AGRN: variants seen among roughly 807,000 people sequenced by gnomAD.
The protein encoded by AGRN is agrin proteoglycan.
In AGRN, 106 loss-of-function variants were observed where a neutral mutation model predicts 211.0. The ratio of observed to expected loss-of-function variants is 0.50; its 90% CI spans 0.43 to 0.59. The LOEUF (loss-of-function observed/expected upper bound fraction) is 0.59. Among genes scored for constraint, AGRN ranks in the 20% least tolerant of loss-of-function variants. The pLI is 0.00. For missense variants in AGRN, 3,040 were observed against 2,982.6 expected (o/e 1.02, Z -0.45); for synonymous variants, 1,525 against 1,332.5 (o/e 1.14, Z -3.15).
intron 2 of AGRN, among the ~76,000 whole-genome samples, chr1:1,027,151 C>A (rs529124900): frequency 1.8e-4 from 27 of 152,376 alleles, no homozygotes; most frequent in African/African-American, 6.3e-4. Context: ...GCAGTCCCCC[C>A]ACGGAGCAGA....
At chr1:1,039,456 G>A (rs1030819240) in intron 3 of AGRN, among the ~76,000 whole-genome samples, 6 of 152,010 alleles carry the variant, frequency 3.9e-5, no homozygotes, top group Non-Finnish European at 5.9e-5. Flanking sequence ...GCTGGGAAGT[G>A]ATGGGTGGTA....
chr1:1,041,659 TCTC>T lies in AGRN; in HGVS notation c.1140_1142del (p.Leu381del). On this transcript the variant is annotated inframe_deletion, in exon 6 of 36. Transcript: ENST00000379370. ...TGGGCCGATCGGGGGCCGCCCGGGG[TCTC>T]CTCCTGCAGAAAGTGCGCTCCGGCC... 1.2e-6 allele frequency: 2 copies of T among 1,608,964 alleles called. No individual in the cohort carries two copies. Among genetic ancestry groups the T allele is most frequent in the South Asian group, 1.1e-5 (1 of 90,916 alleles).
Position 1,041,652 on chromosome 1 carries a change from C to T in AGRN, c.1127C>T (p.Ala376Val), listed in dbSNP as rs1193916995. ...NDCVMGRSGA[A>V]RGLLLQKVRS... ...TGTGTCATGGGCCGATCGGGGGCCG[C>T]CCGGGGTCTCCTCCTGCAGAAAGTG... The change falls in exon 6 of 36, where the codon GCC becomes GTC. Residue 376 changes from alanine (A) to valine (V), a missense_variant. Physicochemically the swap from Ala to Val is moderately conservative, Grantham distance 64. Around this residue, in one of 3 missense-constraint regions of AGRN, gnomAD observed 1,498 missense variants for 1,457.8 expected, o/e 1.03. Coordinates refer to ENST00000379370, the MANE Select transcript of AGRN (RefSeq NM_198576.4). 1.9e-6 allele frequency: 3 copies of T among 1,611,156 alleles called. No homozygotes were observed. The highest frequency in any genetic ancestry group is 2.5e-6 in the Non-Finnish European group (3 of 1,179,124).
intron 20 of AGRN, 54 bp downstream of exon 20, chr1:1,047,508 C>CTTT: frequency 3.1e-6 from 5 of 1,612,862 alleles, no homozygotes; most frequent in Non-Finnish European, 4.2e-6. Context: ...CCCAGATACC[C>CTTT]AGAGCAGCAC....
At chr1:1,043,776 C>G in intron 9 of AGRN, 44 bp downstream of exon 9, 1 of 1,605,578 alleles carries the variant, frequency 6.2e-7, no homozygotes, top group Non-Finnish European at 8.5e-7. Context: ...TCCTGTGCCT[C>G]CCTCAGCCTG....
chr1:1,020,215 C>T lies in AGRN; in HGVS notation c.43C>T (p.Pro15Ser). The T allele has an allele frequency of 7.2e-7, 1 of 1,394,396 alleles. No homozygotes were observed. The highest frequency in any genetic ancestry group is 3.1e-5 in the Admixed American group (1 of 32,222). The allele number at this position is 1,394,396 out of a possible 1,614,324, so 86.4% of individuals were successfully genotyped here. Residue 15 changes from proline to serine, a missense_variant, in exon 1 of 36, where the codon CCG (proline) becomes TCG (serine). Transcript: ENST00000379370. Reference protein sequence around the residue: ...SHPGPLRPLLPLLVVAACVLP... With the variant: ...SHPGPLRPLLSLLVVAACVLP... ...CCCGGGCCCGCTGCGGCCGCTGCTG[C>T]CGCTCCTTGTGGTGGCCGCGTGCGT...
At chr1:1,022,543 CG>C in intron 2 of AGRN, 81 bp downstream of exon 2, 2 of 1,412,278 alleles carry the variant, frequency 1.4e-6, no homozygotes, top group Non-Finnish European at 1.9e-6. Flanking sequence ...GGTCGCTGTG[CG>C]GGGTCCTTTC....
chr1:1,024,217 C>A (rs1644470913), intron 2 of AGRN, among the ~76,000 whole-genome samples: 1 of 152,024 alleles, frequency 6.6e-6, no homozygotes, highest in Non-Finnish European at 1.5e-5. Context: ...TAAATGCCTC[C>A]CAGAAGCCTG....
At chr1:1,044,686 C>T (rs573219864) in intron 12 of AGRN, among the ~76,000 whole-genome samples, 7 of 152,272 alleles carry the variant, frequency 4.6e-5, no homozygotes, top group Non-Finnish European at 7.4e-5. Context: ...GTGAACCATG[C>T]GGGGCCCCAC....
At chr1:1,047,287 G>A in intron 19 of AGRN, 40 bp from the exon 20 acceptor site, 1 of 1,563,436 alleles carries the variant, frequency 6.4e-7, no homozygotes, top group Non-Finnish European at 8.6e-7. Context: ...CTGGATGCCA[G>A]GCAGATGCCA....
chr1:1,024,784 TC>T (rs1557683893), intron 2 of AGRN, among the ~76,000 whole-genome samples: 1 of 151,504 alleles, frequency 6.6e-6, no homozygotes, highest in Non-Finnish European at 1.5e-5. Context: ...GAAAGGCTCC[TC>T]CCCCCTTCTC....
intron 2 of AGRN, among the ~76,000 whole-genome samples, chr1:1,029,365 A>ATCTATGCAGGCAGGTGGGGGGATCAGTG (rs70949543): frequency 0.29 from 16,353 of 57,340 alleles, 2,956 homozygotes; most frequent in Non-Finnish European, 0.34. Flanking sequence ...GATGCCCAAT[A>ATCTATGCAGGCAGGTGGGGGGATCAGTG]TCTATGCAGG....
At chr1:1,049,482 A>T in intron 25 of AGRN, 31 bp downstream of exon 25, 1 of 1,598,426 alleles carries the variant, frequency 6.3e-7, no homozygotes, top group Non-Finnish European at 8.5e-7. Flanking sequence ...TGTGGCCCCG[A>T]CCCCGGCCCT....
chr1:1,040,322 A>G (rs9331224), intron 3 of AGRN, among the ~76,000 whole-genome samples: 134,337 of 152,254 alleles, frequency 0.88, 59,789 homozygotes, highest in East Asian at 1. Flanking sequence ...TTTTCGCTGG[A>G]GGCCCACGAG....
rs764518839 is a variant in AGRN at position 1,046,046 on chromosome 1, T to C, written c.2763T>C (p.Cys921=). Residue 921 remains cysteine (C), a synonymous_variant, in exon 16 of 36, where the codon TGT becomes TGC. Transcript: ENST00000379370. ...RCVEESGSAH[C]VCPMLTCPEA... ...TGGAGGAGTCTGGCTCAGCCCACTGTGTCTGCCCGATGCTCACCTGTCCAG... is the reference window on the plus strand; with the variant it reads ...TGGAGGAGTCTGGCTCAGCCCACTGCGTCTGCCCGATGCTCACCTGTCCAG... 4.3e-6 allele frequency: 7 copies of C among 1,613,878 alleles called. No individual in the cohort carries two copies. The East Asian group carries it at 1.3e-4, about 31-fold the overall frequency.
chr1:1,054,060 A>T, intron 34 of AGRN, 83 bp downstream of exon 34: 1 of 1,445,766 alleles, frequency 6.9e-7, no homozygotes. Flanking sequence ...GTCACTTGTG[A>T]CCAGGGGTCA....
intron 3 of AGRN, 23 bp downstream of exon 3, chr1:1,035,347 G>A (rs374423640): frequency 3.1e-6 from 5 of 1,612,942 alleles, no homozygotes; most frequent in Non-Finnish European, 2.5e-6. Flanking sequence ...GAGTTCGGGG[G>A]ACCTGGATGG....
intron 30 of AGRN, 105 bp downstream of exon 30, chr1:1,050,942 T>C: frequency 6.5e-7 from 1 of 1,544,078 alleles, no homozygotes; most frequent in Non-Finnish European, 8.8e-7. Context: ...TTCTGTCCTG[T>C]TCTCTTGGCC....
At chr1:1,035,169 T>TGGGGGGGGG (rs56001364) in intron 2 of AGRN, 108 bp from the exon 3 acceptor site, 5 of 942,446 alleles carry the variant, frequency 5.3e-6, no homozygotes, top group Admixed American at 2.3e-5. Context: ...GGGCTAGCGG[T>TGGGGGGGGG]GGGGGGGGGG....
Sources: gnomAD v4.1 joint callset for allele counts (sites outside exome capture counted in the v4.1 genomes callset) on GRCh38, gnomAD v4.1.1 for gene constraint, gnomAD v4.1.1 regional missense constraint, MANE v1.5 for transcripts, NCBI Gene and HGNC (gene_info 2026-07-23, HGNC 2026-07-21) for gene names.